The following NOS1AP variants were observed in gnomAD, a reference collection of about 807,000 sequenced individuals.
NOS1AP encodes carboxyl-terminal PDZ ligand of neuronal nitric oxide synthase protein.
Under a neutral mutation model 56.2 loss-of-function variants are expected in NOS1AP, and 21 were observed. That is an observed-to-expected ratio of 0.37 (90% CI 0.26 to 0.54). The LOEUF is 0.54. NOS1AP is among the 20% of genes least tolerant of loss of function. The pLI is 0.84. For missense variants in NOS1AP, 522 were observed against 657.8 expected, an observed-to-expected ratio of 0.79 and a Z score of 2.26; for synonymous variants, 270 against 274.6, an observed-to-expected ratio of 0.98 and a Z score of 0.17.
At chr1:162,348,874 C>CTTTAAGACCTTTAA (rs1378183710) in intron 6 of NOS1AP, among the ~76,000 whole-genome samples, 1 of 152,210 alleles carries the variant, frequency 6.6e-6, no homozygotes, top group East Asian at 1.9e-4. Flanking sequence ...CCAGGTAGGT[C>CTTTAAGACCTTTAA]GGCCTTTGCT....
intron 2 of NOS1AP, among the ~76,000 whole-genome samples, chr1:162,185,111 T>C (rs1651384746): frequency 1.3e-5 from 2 of 152,212 alleles, no homozygotes; most frequent in South Asian, 2.1e-4. Context: ...GCCAGCATTA[T>C]TGCATCTCTC....
intron 2 of NOS1AP, among the ~76,000 whole-genome samples, chr1:162,211,239 A>G (rs1463972497): frequency 6.6e-6 from 1 of 152,218 alleles, no homozygotes; most frequent in Non-Finnish European, 1.5e-5. Flanking sequence ...TATTTTTCAC[A>G]GTTCTGGAGG....
intron 2 of NOS1AP, among the ~76,000 whole-genome samples, chr1:162,156,454 A>G (rs1649978697): frequency 1.3e-5 from 2 of 152,136 alleles, no homozygotes; most frequent in African/African-American, 4.8e-5. Context: ...TCTAGCTCAG[A>G]TAGAAAGCAC....
At chr1:162,125,130 CTTTTT>C (rs56264198) in intron 1 of NOS1AP, among the ~76,000 whole-genome samples, 27 of 124,136 alleles carry the variant, frequency 2.2e-4, no homozygotes, top group African/African-American at 8.4e-4. Context: ...GTTTCTGACT[CTTTTT>C]TTTTTTTTTT....
intron 1 of NOS1AP, among the ~76,000 whole-genome samples, chr1:162,080,823 G>A (rs1212005270): frequency 2.0e-5 from 3 of 152,146 alleles, no homozygotes; most frequent in Admixed American, 6.5e-5. Flanking sequence ...TTTAGAAAGC[G>A]CTTACTGTGT....
chr1:162,210,236 C>T (rs572648396), intron 2 of NOS1AP, among the ~76,000 whole-genome samples: 33 of 152,194 alleles, frequency 2.2e-4, no homozygotes, highest in Middle Eastern at 3.4e-3. Context: ...GGCTTAGAGA[C>T]GCATTGAGTG....
At chr1:162,248,486 A>T (rs983903964) in intron 2 of NOS1AP, among the ~76,000 whole-genome samples, 1 of 152,218 alleles carries the variant, frequency 6.6e-6, no homozygotes, top group African/African-American at 2.4e-5. Context: ...CTTTAATGGC[A>T]GTGGCTATTA....
At chr1:162,251,066 T>TTTTGTTTG (rs57225935) in intron 2 of NOS1AP, among the ~76,000 whole-genome samples, 158 of 151,144 alleles carry the variant, frequency 1.0e-3, no homozygotes, top group African/African-American at 2.7e-3. Flanking sequence ...TCCTGAGCTT[T>TTTTGTTTG]TTTGTTTGTT....
chr1:162,268,001 T>G (rs1654478049), intron 2 of NOS1AP, among the ~76,000 whole-genome samples: 1 of 152,190 alleles, frequency 6.6e-6, no homozygotes, highest in African/African-American at 2.4e-5. Flanking sequence ...GGCTCATGCC[T>G]GTAATCCTAG....
At chr1:162,354,271 C>G (rs918430434) in intron 6 of NOS1AP, among the ~76,000 whole-genome samples, 4 of 152,116 alleles carry the variant, frequency 2.6e-5, no homozygotes, top group Non-Finnish European at 5.9e-5. Context: ...CATGAGAAAT[C>G]TTATTTAAAG....
intron 1 of NOS1AP, among the ~76,000 whole-genome samples, chr1:162,079,776 G>A (rs1691845974): frequency 6.6e-6 from 1 of 152,126 alleles, no homozygotes; most frequent in South Asian, 2.1e-4. Flanking sequence ...AGAATATTCA[G>A]ACACTCTGTT....
At chr1:162,177,481 G>A (rs1651104807) in intron 2 of NOS1AP, among the ~76,000 whole-genome samples, 1 of 152,134 alleles carries the variant, frequency 6.6e-6, no homozygotes, top group South Asian at 2.1e-4. Context: ...TCAGCCACTG[G>A]CATGAAGGGA....
At chr1:162,138,967 C>G (rs1344183582) in intron 1 of NOS1AP, among the ~76,000 whole-genome samples, 1 of 152,192 alleles carries the variant, frequency 6.6e-6, no homozygotes, top group African/African-American at 2.4e-5. Flanking sequence ...GTCAACCTAA[C>G]TATACTTGCA....
At chr1:162,129,776 T>G (rs186360171) in intron 1 of NOS1AP, among the ~76,000 whole-genome samples, 1 of 152,356 alleles carries the variant, frequency 6.6e-6, no homozygotes, top group East Asian at 1.9e-4. Context: ...CGCCAGCCCC[T>G]CGAGGACATG....
chr1:162,243,829 C>G (rs1261614965), intron 2 of NOS1AP, among the ~76,000 whole-genome samples: 1 of 152,198 alleles, frequency 6.6e-6, no homozygotes, highest in Non-Finnish European at 1.5e-5. Context: ...ATTTAACCTG[C>G]AAAACAGCTG....
chr1:162,221,530 G>GCACACACA lies in NOS1AP; in HGVS notation c.178-65813_178-65812insACACACAC, dbSNP rs1225944628. ...ATGCAACACACACACGCACACACAC[G>GCACACACA]CGCGCACACACACACACACACACAC... On this transcript the variant is annotated intron_variant, in intron 2 of 9. Coordinates refer to ENST00000361897, the MANE Select transcript of NOS1AP (RefSeq NM_014697.3). 5.4e-3 allele frequency among the ~76,000 whole-genome samples: 335 copies of GCACACACA among 62,530 alleles called. 5 individuals carry two copies. Among genetic ancestry groups the GCACACACA allele is most frequent in the African/African-American group, 9.9e-3 (262 of 26,462 alleles). The allele number at this position is 62,530 out of a possible 152,430, so 41.0% of individuals were successfully genotyped here. A position where few individuals can be genotyped will look rare whatever the true frequency, so the allele number is the denominator to read the frequency against.
At position 162,323,905 on chromosome 1, in the gene NOS1AP, C is replaced by T. The variant is rs114752579; in HGVS notation, c.345-9112C>T. Among the ~76,000 whole-genome samples the T allele has an allele frequency of 1.5e-3, 229 of 152,242 alleles. 3 individuals are homozygous for T. Among genetic ancestry groups the T allele is most frequent in the African/African-American group, 4.6e-3 (192 of 41,544 alleles). On this transcript the variant is annotated intron_variant, in intron 4 of 9. Coordinates refer to ENST00000361897, the MANE Select transcript of NOS1AP (RefSeq NM_014697.3). ...ACTGGGGAGTGGACAAGGAAGGGTG[C>T]GAACCTTTGTTGATGATTATTTTGC...
At chr1:162,225,987 A>G (rs1210191316) in intron 2 of NOS1AP, among the ~76,000 whole-genome samples, 1 of 152,246 alleles carries the variant, frequency 6.6e-6, no homozygotes, top group East Asian at 1.9e-4. Context: ...TTTTGCTTGT[A>G]TTCAACATTC....
At chr1:162,223,525 G>A (rs536498119) in intron 2 of NOS1AP, among the ~76,000 whole-genome samples, 4 of 152,302 alleles carry the variant, frequency 2.6e-5, no homozygotes, top group Non-Finnish European at 5.9e-5. Flanking sequence ...TCTGAAAGAG[G>A]TTGGGGCTCC....
Sources: allele counts gnomAD v4.1 joint callset (sites outside exome capture counted in the v4.1 genomes callset), GRCh38; gene constraint gnomAD v4.1.1; transcripts MANE v1.5; gene names NCBI Gene and HGNC (gene_info 2026-07-23, HGNC 2026-07-21).